TENM2: variants seen among roughly 807,000 people sequenced by gnomAD.
TENM2 encodes the protein teneurin transmembrane protein 2.
Under a neutral mutation model 245.2 loss-of-function variants are expected in TENM2, and 52 were observed. The ratio of observed to expected loss-of-function variants is 0.21; its 90% confidence interval spans 0.17 to 0.27. TENM2 has a LOEUF of 0.27. Ranked by LOEUF, TENM2 falls within the 10% of genes least tolerant of loss-of-function variation. The pLI is 1.00. For synonymous variants in TENM2, 1,363 were observed against 1,438.9 expected, an observed-to-expected ratio of 0.95 and a Z score of 1.19; for missense variants, 3,046 against 3,666.8, an observed-to-expected ratio of 0.83 and a Z score of 4.37.
the TENM2 span, among the ~76,000 whole-genome samples, chr5:167,103,428 G>A: frequency 6.6e-6 from 1 of 152,190 alleles, no homozygotes; most frequent in South Asian, 2.1e-4. Context: ...GGAGTTCAGG[G>A]ACTATGAAAA....
intron 17 of TENM2, 30 bp downstream of exon 19, chr5:168,200,161 C>A: frequency 6.3e-7 from 1 of 1,594,324 alleles, no homozygotes; most frequent in East Asian, 2.2e-5. Context: ...ACTTATTGAT[C>A]AATGGATTTA....
intron 2 of TENM2, among the ~76,000 whole-genome samples, chr5:167,593,597 G>A (rs578217599): frequency 1.4e-4 from 22 of 152,286 alleles, no homozygotes; most frequent in African/African-American, 4.8e-4. Flanking sequence ...CTACCTATCC[G>A]GTAAGAGAAG....
chr5:168,222,266 T>C (rs1264340800), intron 23 of TENM2, among the ~76,000 whole-genome samples: 1 of 152,238 alleles, frequency 6.6e-6, no homozygotes, highest in African/African-American at 2.4e-5. Context: ...CCTGCTGGTC[T>C]CTCATCCCCT....
intron 2 of TENM2, among the ~76,000 whole-genome samples, chr5:167,687,609 A>G (rs1757158912): frequency 1.3e-5 from 2 of 152,192 alleles, no homozygotes; most frequent in African/African-American, 4.8e-5. Context: ...CAGATGTTTC[A>G]GTTGAGATAT....
At chr5:167,490,006 T>C (rs1768326801) in intron 2 of TENM2, among the ~76,000 whole-genome samples, 1 of 152,176 alleles carries the variant, frequency 6.6e-6, no homozygotes, top group African/African-American at 2.4e-5. Flanking sequence ...AATATCCACC[T>C]ACATAAATAT....
At chr5:167,087,982 G>T in the TENM2 span, among the ~76,000 whole-genome samples, 35 of 152,000 alleles carry the variant, frequency 2.3e-4, no homozygotes, top group African/African-American at 8.5e-4. Context: ...TAGAGACAAG[G>T]TTTCACCATA....
chr5:167,097,494 A>T, the TENM2 span, among the ~76,000 whole-genome samples: 1 of 152,166 alleles, frequency 6.6e-6, no homozygotes, highest in African/African-American at 2.4e-5. Context: ...GAAGCAATGC[A>T]TCATCTCCGG....
chr5:167,154,607 A>G, the TENM2 span, among the ~76,000 whole-genome samples: 1 of 152,220 alleles, frequency 6.6e-6, no homozygotes, highest in South Asian at 2.1e-4. Flanking sequence ...ATAGAAGACA[A>G]ACTGAAATTG....
At chr5:168,019,825 G>A (rs902327069) in intron 5 of TENM2, among the ~76,000 whole-genome samples, 29 of 152,326 alleles carry the variant, frequency 1.9e-4, no homozygotes, top group African/African-American at 6.5e-4. Flanking sequence ...AATTGCCACT[G>A]AATGATGTTT....
At chr5:168,197,777 C>T (rs1008887674) in intron 15 of TENM2, among the ~76,000 whole-genome samples, 3 of 151,078 alleles carry the variant, frequency 2.0e-5, no homozygotes, top group Admixed American at 6.6e-5. Flanking sequence ...TCTCTGTTAA[C>T]GTCCTTGTTT....
intron 3 of TENM2, among the ~76,000 whole-genome samples, chr5:167,911,019 A>G (rs914997418): frequency 1.3e-5 from 2 of 152,222 alleles, no homozygotes; most frequent in African/African-American, 4.8e-5. Flanking sequence ...TAAGAGCTCA[A>G]AAAACGTAAA....
chr5:167,894,963 AAGGAAGGAAGGAAGG>A (rs1775073260), intron 3 of TENM2, among the ~76,000 whole-genome samples: 1 of 130,046 alleles, frequency 7.7e-6, no homozygotes, highest in African/African-American at 2.8e-5. Context: ...GGAAGGAAGG[AAGGAAGGAAGGAAGG>A]AAGGAAGGAA....
intron 5 of TENM2, among the ~76,000 whole-genome samples, chr5:168,017,860 CG>C (rs1384499998): frequency 6.6e-6 from 1 of 152,152 alleles, no homozygotes; most frequent in Non-Finnish European, 1.5e-5. Flanking sequence ...TGCCCTTCAT[CG>C]TTGATGTCAT....
At chr5:167,932,994 T>C (rs1234633934) in intron 3 of TENM2, among the ~76,000 whole-genome samples, 1 of 152,146 alleles carries the variant, frequency 6.6e-6, no homozygotes, top group Non-Finnish European at 1.5e-5. Context: ...TGGCAAGAAT[T>C]CATTTTTCAA....
intron 5 of TENM2, among the ~76,000 whole-genome samples, chr5:168,002,611 A>G (rs1414550823): frequency 6.6e-6 from 1 of 152,208 alleles, no homozygotes; most frequent in Non-Finnish European, 1.5e-5. Flanking sequence ...CTTCTGGGAC[A>G]TTAGCTAAAT....
rs1398805328 is a variant in TENM2 at position 167,626,877 on chromosome 5, CG to C, written c.503-249105del. Among the ~76,000 whole-genome samples the C allele has an allele frequency of 1.1e-4, 17 of 152,264 alleles. No individual in the cohort carries two copies. In the South Asian group the frequency reaches 2.9e-3, roughly 26 times the overall value. On this transcript the variant is annotated intron_variant, in intron 2 of 28. Transcript: ENST00000518659. ...GCTGCATCCCCAAAGGCAGTAACAC[CG>C]GGGCCGCCACAGTGGTAAGCTCACT... is the stretch of plus-strand genomic sequence containing the variant.
chr5:168,187,296 TG>T (rs1760551102), intron 13 of TENM2: 1 of 151,964 alleles, frequency 6.6e-6, no homozygotes, highest in African/African-American at 2.4e-5. Flanking sequence ...AGTGACAGGC[TG>T]GAGGGGGAGG....
chr5:167,847,339 G>A (rs924538628), intron 2 of TENM2, among the ~76,000 whole-genome samples: 2 of 152,170 alleles, frequency 1.3e-5, no homozygotes, highest in Admixed American at 6.5e-5. Flanking sequence ...TCCACCCACA[G>A]TGAACTCACT....
At position 167,834,719 on chromosome 5, in the gene TENM2, G is replaced by A. The variant is rs1162445976; in HGVS notation, c.503-41267G>A. On this transcript the variant is annotated intron_variant, in intron 2 of 28. Coordinates refer to ENST00000518659, the Ensembl canonical transcript of TENM2. ...GGCTGGAATGCAGTGGCGCGATCTC[G>A]GCTCACTGCAAGCTCCGCCTCCCAG... Among the ~76,000 whole-genome samples the A allele has an allele frequency of 2.7e-5, 4 of 148,906 alleles. No homozygotes were observed. The South Asian group carries it at 8.5e-4, about 32-fold the overall frequency.
Sources: allele counts gnomAD v4.1 joint callset (sites outside exome capture counted in the v4.1 genomes callset), GRCh38; gene constraint gnomAD v4.1.1; transcripts MANE v1.5; gene names NCBI Gene and HGNC (gene_info 2026-07-23, HGNC 2026-07-21).